The following DGKH variants were observed in gnomAD, a reference collection of about 807,000 sequenced individuals.
DGKH encodes diacylglycerol kinase eta, also known as DAG kinase eta.
DGKH carries 90 observed loss-of-function variants against 159.3 expected under a neutral mutation model. The ratio of observed to expected loss-of-function variants is 0.57; its 90% confidence interval spans 0.48 to 0.67. The LOEUF (loss-of-function observed/expected upper bound fraction) is 0.67, where lower values mean the gene tolerates loss of function less well. Among genes scored for constraint, DGKH ranks in the 30% least tolerant of loss-of-function variants. The probability of loss-of-function intolerance (pLI) is 0.00; values close to 1 mark genes in which losing one functional copy is unlikely to be tolerated. For synonymous variants in DGKH, 536 were observed against 553.8 expected (o/e 0.97, Z 0.45); for missense variants, 1,181 against 1,506.1 (o/e 0.78, Z 3.57).
In DGKH at chr13:42,203,021, G is replaced by T. The variant is rs73188941; in HGVS notation, c.2494-3018G>T. ...ATCTGTAGGCTATAATGAAATATGT[G>T]ATTGAGAACAAGTAGTTGTTTAATT... On this transcript the variant is annotated intron_variant, in intron 20 of 29. Transcript: ENST00000337343. Among the ~76,000 whole-genome samples, 1,214 of 152,220 alleles carry T rather than the reference G, an allele frequency of 8.0e-3. 3 individuals carry two copies. The highest frequency in any genetic ancestry group is 0.012 in the Non-Finnish European group (791 of 67,990).
chr13:42,082,093 C>T (rs997201271), intron 1 of DGKH, among the ~76,000 whole-genome samples: 5 of 151,946 alleles, frequency 3.3e-5, no homozygotes, highest in African/African-American at 4.8e-5. Flanking sequence ...CATTGCTATC[C>T]TCATTCCATG....
rs948005563 is a variant in DGKH, at chr13:42,173,948, T to C, written c.1368-112T>C. On this transcript the variant is annotated intron_variant, in intron 11 of 29. Transcript: ENST00000337343. ...ATAAACCATAGTTCATGAATGTGTGTGTGTGTGTGTGCGTGCGTGTGTGTG... is the reference window on the plus strand; with the variant it reads ...ATAAACCATAGTTCATGAATGTGTGCGTGTGTGTGTGCGTGCGTGTGTGTG... The C allele has an allele frequency of 4.8e-6, 3 of 621,124 alleles. No homozygotes were observed. The African/African-American group carries it at 6.0e-5, about 12-fold the overall frequency. 38.5% of individuals were successfully genotyped at this position (621,124 alleles called of 1,614,324 possible).
At chr13:42,220,124 G>A (rs1228370457) in intron 28 of DGKH, among the ~76,000 whole-genome samples, 1 of 152,094 alleles carries the variant, frequency 6.6e-6, no homozygotes, top group African/African-American at 2.4e-5. Context: ...CTGTTCAGAT[G>A]GTTCTTTCTC....
In DGKH at chr13:42,198,465, C is replaced by G. The variant is rs1957259980; in HGVS notation, c.2168-13C>G. On this transcript the variant is annotated splice_polypyrimidine_tract_variant and intron_variant, in intron 17 of 29. Coordinates refer to ENST00000337343, the MANE Select transcript of DGKH (RefSeq NM_178009.5). ...TAACATGCGATCCCATATGTGTTTG[C>G]TTTTCTTTCCAGGTTTAAGAGCAGG... The G allele has an allele frequency of 1.2e-6, 2 of 1,610,212 alleles. No individual in the cohort carries two copies. The highest frequency in any genetic ancestry group is 1.7e-6 in the Non-Finnish European group (2 of 1,177,694).
intron 29 of DGKH, among the ~76,000 whole-genome samples, chr13:42,226,037 T>G (rs1958123088): frequency 2.0e-5 from 3 of 152,064 alleles, no homozygotes; most frequent in African/African-American, 7.2e-5. Flanking sequence ...AGAAAATTTT[T>G]GCAATCTGTC....
intron 11 of DGKH, among the ~76,000 whole-genome samples, chr13:42,173,691 A>T (rs1272195570): frequency 6.6e-6 from 1 of 152,210 alleles, no homozygotes; most frequent in African/African-American, 2.4e-5. Flanking sequence ...AATGAGCATT[A>T]TTTTTTAAAT....
chr13:42,097,797 G>A (rs1313981958), intron 1 of DGKH, among the ~76,000 whole-genome samples: 2 of 152,168 alleles, frequency 1.3e-5, no homozygotes, highest in Non-Finnish European at 2.9e-5. Flanking sequence ...TGCAGGGGGT[G>A]TGTAAGGGGA....
chr13:42,214,545 A>G lies in DGKH; in HGVS notation c.3053A>G (p.Gln1018Arg). 6.2e-7 allele frequency: 1 copy of G among 1,613,520 alleles called. No homozygotes were observed. The highest frequency in any genetic ancestry group is 1.1e-5 in the South Asian group (1 of 90,974). ...DAATIHCLLE[Q>R]ELAHAVNACS... Reference sequence around the variant, plus strand: ...GCCACAATTCACTGTCTTTTGGAGCAAGAACTGGCCCATGCTGTGAATGCC... The same window carrying G: ...GCCACAATTCACTGTCTTTTGGAGCGAGAACTGGCCCATGCTGTGAATGCC... Residue 1018 changes from glutamine to arginine, a missense_variant, in exon 25 of 30, where the codon CAA becomes CGA. Physicochemically the swap from Gln to Arg is conservative, Grantham distance 43 (BLOSUM62 1). Transcript: ENST00000337343.
intron 1 of DGKH, among the ~76,000 whole-genome samples, chr13:42,089,719 G>C (rs1954377903): frequency 6.6e-6 from 1 of 152,022 alleles, no homozygotes; most frequent in African/African-American, 2.4e-5. Flanking sequence ...GGCCCCCTTG[G>C]GTAATCCAGA....
intron 13 of DGKH, among the ~76,000 whole-genome samples, chr13:42,185,106 C>G (rs537805336): frequency 6.6e-6 from 1 of 151,890 alleles, no homozygotes. Context: ...CCAATTTGCA[C>G]GTTTCTGGTT....
At chr13:42,174,476 C>G (rs1956550851) in intron 12 of DGKH, among the ~76,000 whole-genome samples, 2 of 152,150 alleles carry the variant, frequency 1.3e-5, no homozygotes, top group South Asian at 4.2e-4. Flanking sequence ...TTCTCCTGCC[C>G]AGATAATTCC....
At position 42,071,273 on chromosome 13, in the gene DGKH, G is replaced by A. The variant is rs117799017; in HGVS notation, c.192+22308G>A. On this transcript the variant is annotated intron_variant, in intron 1 of 29. Transcript: ENST00000337343. ...GCCAAACAGGCCTGTTGATTTCCCCGTAGGTTTAAAGCTCAAAAAGCTCTA... is the reference window on the plus strand; with the variant it reads ...GCCAAACAGGCCTGTTGATTTCCCCATAGGTTTAAAGCTCAAAAAGCTCTA... 1.6e-3 allele frequency among the ~76,000 whole-genome samples: 251 copies of A among 152,210 alleles called. 2 individuals are homozygous for A. Among genetic ancestry groups the A allele is most frequent in the Non-Finnish European group, 2.6e-3 (176 of 68,002 alleles).
At chr13:42,207,062 C>CTTCCTTCT (rs1957508071) in intron 21 of DGKH, among the ~76,000 whole-genome samples, 2 of 65,378 alleles carry the variant, frequency 3.1e-5, no homozygotes, top group South Asian at 5.2e-4. Context: ...TCTTTCCTTC[C>CTTCCTTCT]TTCTTTCTTT....
chr13:42,053,870 T>C (rs1881555499), intron 1 of DGKH, among the ~76,000 whole-genome samples: 1 of 152,116 alleles, frequency 6.6e-6, no homozygotes, highest in African/African-American at 2.4e-5. Context: ...TCCACCTGCC[T>C]TGGCCTCCCA....
chr13:42,041,165 G>C (rs749183385), intron 1 of DGKH, among the ~76,000 whole-genome samples: 44 of 152,284 alleles, frequency 2.9e-4, no homozygotes, highest in Non-Finnish European at 5.9e-4. Flanking sequence ...CGCTGGCGAC[G>C]GCCCTGCGAG....
chr13:42,133,603 G>A (rs1411572302), intron 3 of DGKH, among the ~76,000 whole-genome samples: 1 of 152,112 alleles, frequency 6.6e-6, no homozygotes, highest in Non-Finnish European at 1.5e-5. Flanking sequence ...GGCTGAGATG[G>A]GAGGATCGCT....
intron 1 of DGKH, among the ~76,000 whole-genome samples, chr13:42,121,403 AT>A (rs1173911462): frequency 6.6e-6 from 1 of 152,190 alleles, no homozygotes; most frequent in Non-Finnish European, 1.5e-5. Context: ...TATGAAATGC[AT>A]TTTTGACTTA....
At chr13:42,063,808 G>T (rs1041584519) in intron 1 of DGKH, among the ~76,000 whole-genome samples, 2 of 152,020 alleles carry the variant, frequency 1.3e-5, no homozygotes, top group Non-Finnish European at 2.9e-5. Context: ...GCTTGTTGGC[G>T]CATGCATGTA....
At position 42,159,244 on chromosome 13, in the gene DGKH, C is replaced by CTTTT. The variant is rs57531279; in HGVS notation, c.623-6_623-3dup. The CTTTT allele has an allele frequency of 6.2e-3, 1,333 of 214,974 alleles. 120 individuals carry two copies. The highest frequency in any genetic ancestry group is 0.025 in the African/African-American group (651 of 26,316). 13.3% of individuals were successfully genotyped at this position (214,974 alleles called of 1,614,324 possible). A position where few individuals can be genotyped will look rare whatever the true frequency, so the allele number is the denominator to read the frequency against. On this transcript the variant is annotated intron_variant, in intron 5 of 29. Coordinates refer to ENST00000337343, the MANE Select transcript of DGKH (RefSeq NM_178009.5). ...TCTTGTCCACTTAAAAGCAGTTGCTCTTTTTTTTTTTTTTTTTTTAGTGTG... is the reference window on the plus strand; with the variant it reads ...TCTTGTCCACTTAAAAGCAGTTGCTCTTTTTTTTTTTTTTTTTTTTTTTAGTGTG...
Sources: gnomAD v4.1 joint callset for allele counts (sites outside exome capture counted in the v4.1 genomes callset) on GRCh38, gnomAD v4.1.1 for gene constraint, MANE v1.5 for transcripts, NCBI Gene and HGNC (gene_info 2026-07-23, HGNC 2026-07-21) for gene names.